Variants in DNER observed in about 807,000 individuals in gnomAD.
DNER encodes the protein delta/notch like EGF repeat containing.
A neutral mutation model predicts 78.2 loss-of-function variants in DNER; 33 were observed. The ratio of observed to expected loss-of-function variants is 0.42; its 90% CI spans 0.32 to 0.56. DNER has a LOEUF of 0.56. Among genes scored for constraint, DNER ranks in the 20% least tolerant of loss-of-function variants. The pLI is 0.11. For missense variants in DNER, 918 were observed against 975.3 expected, an observed-to-expected ratio of 0.94 and a Z score of 0.78; for synonymous variants, 417 against 384.8, an observed-to-expected ratio of 1.08 and a Z score of -0.98.
At position 229,370,825 on chromosome 2, in the gene DNER, TTGA is replaced by T. The variant is rs1300887616; in HGVS notation, c.1856-3709_1856-3707del. Among the ~76,000 whole-genome samples, 178 of 152,334 alleles carry T rather than the reference TTGA, an allele frequency of 1.2e-3. 1 individual carries two copies. Among genetic ancestry groups the T allele is most frequent in the Non-Finnish European group, 1.2e-4 (8 of 68,034 alleles). On this transcript the variant is annotated intron_variant, in intron 11 of 12. Coordinates refer to ENST00000341772, the MANE Select transcript of DNER (RefSeq NM_139072.4). Reference sequence around the variant, plus strand: ...TCACTATGGAAGATCACATGAGTTCTTGATGAGTTCTTGCAGTCTACGCATAAG... The same window carrying T: ...TCACTATGGAAGATCACATGAGTTCTTGAGTTCTTGCAGTCTACGCATAAG...
At chr2:229,608,613 T>C (rs1197478606) in intron 1 of DNER, among the ~76,000 whole-genome samples, 1 of 152,206 alleles carries the variant, frequency 6.6e-6, no homozygotes, top group African/African-American at 2.4e-5. Context: ...GAAAGGATCC[T>C]GCAGTGTCAT....
intron 5 of DNER, among the ~76,000 whole-genome samples, chr2:229,515,972 A>G (rs1695963006): frequency 6.6e-6 from 1 of 152,198 alleles, no homozygotes; most frequent in Non-Finnish European, 1.5e-5. Context: ...GAATTTAGAG[A>G]TAAAACAGAA....
At chr2:229,473,692 A>G (rs1270965579) in intron 7 of DNER, among the ~76,000 whole-genome samples, 1 of 152,200 alleles carries the variant, frequency 6.6e-6, no homozygotes, top group Non-Finnish European at 1.5e-5. Flanking sequence ...GGGAAACAAG[A>G]TGAATAAAAT....
At chr2:229,681,342 C>A (rs1438533770) in intron 1 of DNER, among the ~76,000 whole-genome samples, 1 of 152,150 alleles carries the variant, frequency 6.6e-6, no homozygotes, top group East Asian at 1.9e-4. Context: ...AACATTCCAT[C>A]CCTGGCACCA....
intron 4 of DNER, among the ~76,000 whole-genome samples, chr2:229,576,598 A>C (rs1392545666): frequency 6.6e-6 from 1 of 152,188 alleles, no homozygotes; most frequent in East Asian, 1.9e-4. Flanking sequence ...TCTCTCTAGA[A>C]GTTTACAGTT....
At chr2:229,374,100 G>A (rs6712337) in intron 11 of DNER, among the ~76,000 whole-genome samples, 106,708 of 152,064 alleles carry the variant, frequency 0.7, 37,780 homozygotes, top group East Asian at 0.91. Context: ...CCTGGGAAGC[G>A]AAGGGTGCAG....
chr2:229,383,326 A>T (rs986956830), intron 11 of DNER, among the ~76,000 whole-genome samples: 2 of 152,184 alleles, frequency 1.3e-5, no homozygotes, highest in Admixed American at 6.6e-5. Context: ...TTGTAAAGAC[A>T]ATTGACACTA....
chr2:229,618,381 T>G lies in DNER; in HGVS notation c.277-26493A>C, dbSNP rs114172382. 5.9e-3 allele frequency among the ~76,000 whole-genome samples: 895 copies of G among 152,312 alleles called. 9 individuals carry two copies. Among genetic ancestry groups the G allele is most frequent in the African/African-American group, 0.017 (707 of 41,578 alleles). On this transcript the variant is annotated intron_variant, in intron 1 of 12. Transcript: ENST00000341772. ...TCCCAATTCCTCCCTGTGAAAAATATAGTCAGGAAAAATGGAACCGCACTA... is the reference window on the plus strand; with the variant it reads ...TCCCAATTCCTCCCTGTGAAAAATAGAGTCAGGAAAAATGGAACCGCACTA...
intron 6 of DNER, among the ~76,000 whole-genome samples, chr2:229,492,058 G>T (rs1266644694): frequency 6.6e-6 from 1 of 151,974 alleles, no homozygotes; most frequent in Non-Finnish European, 1.5e-5. Flanking sequence ...TATGCATATT[G>T]TCTAGTCATC....
chr2:229,689,630 A>G (rs1699536019), intron 1 of DNER, among the ~76,000 whole-genome samples: 1 of 152,250 alleles, frequency 6.6e-6, no homozygotes, highest in Admixed American at 6.5e-5. Flanking sequence ...GTGTATCCAC[A>G]CACAGGCACA....
At chr2:229,625,280 G>A (rs1259166623) in intron 1 of DNER, among the ~76,000 whole-genome samples, 2 of 152,148 alleles carry the variant, frequency 1.3e-5, no homozygotes, top group Non-Finnish European at 2.9e-5. Flanking sequence ...GGGGTGGCAG[G>A]AGGAAGCTCT....
At chr2:229,618,118 A>G (rs1476722351) in intron 1 of DNER, among the ~76,000 whole-genome samples, 2 of 152,148 alleles carry the variant, frequency 1.3e-5, no homozygotes, top group Non-Finnish European at 2.9e-5. Flanking sequence ...TGCCAGCCCT[A>G]TATTCTCATA....
intron 1 of DNER, among the ~76,000 whole-genome samples, chr2:229,688,060 A>C (rs556457422): frequency 1.1e-4 from 17 of 152,216 alleles, no homozygotes; most frequent in Non-Finnish European, 2.2e-4. Context: ...TTCATCTCTC[A>C]TCAAACGGGA....
intron 1 of DNER, among the ~76,000 whole-genome samples, chr2:229,700,965 G>C (rs1005947508): frequency 6.6e-6 from 1 of 151,844 alleles, no homozygotes; most frequent in Admixed American, 6.6e-5. Context: ...ATTACGTATA[G>C]GTTGAGTTAG....
At chr2:229,568,288 C>T (rs1697149107) in intron 4 of DNER, among the ~76,000 whole-genome samples, 1 of 152,132 alleles carries the variant, frequency 6.6e-6, no homozygotes, top group Non-Finnish European at 1.5e-5. Flanking sequence ...TGGGCTTAAG[C>T]AATCTTCCCA....
intron 9 of DNER, among the ~76,000 whole-genome samples, chr2:229,411,199 T>C (rs1213263104): frequency 1.3e-5 from 2 of 152,198 alleles, no homozygotes; most frequent in African/African-American, 4.8e-5. Flanking sequence ...AGGCAATAAC[T>C]TTATCCAACA....
intron 4 of DNER, among the ~76,000 whole-genome samples, chr2:229,564,523 C>A (rs1023111038): frequency 2.1e-5 from 3 of 144,958 alleles, no homozygotes; most frequent in East Asian, 2.1e-4. Flanking sequence ...TCCTCCTTAC[C>A]CCATCACCAT....
intron 1 of DNER, among the ~76,000 whole-genome samples, chr2:229,607,323 C>T (rs919514986): frequency 2.0e-5 from 3 of 152,290 alleles, no homozygotes; most frequent in African/African-American, 7.2e-5. Context: ...GCATGGTTCT[C>T]GTCGTGCTCC....
chr2:229,477,089 T>A (rs779813972), intron 7 of DNER, 51 bp downstream of exon 7: 1 of 1,431,354 alleles, frequency 7.0e-7, no homozygotes, highest in South Asian at 1.2e-5. Flanking sequence ...TCAAATTAGT[T>A]TATGATTTAA....
Sources: gnomAD v4.1 joint callset for allele counts (sites outside exome capture counted in the v4.1 genomes callset) on GRCh38, gnomAD v4.1.1 for gene constraint, MANE v1.5 for transcripts, NCBI Gene and HGNC (gene_info 2026-07-23, HGNC 2026-07-21) for gene names.